Variants in NOVA1 observed in about 807,000 individuals in gnomAD.
NOVA1 encodes NOVA alternative splicing regulator 1, also known as RNA-binding protein Nova-1.
In NOVA1, 7 loss-of-function variants were observed where a neutral mutation model predicts 38.0. That is an observed-to-expected ratio of 0.18 (90% confidence interval 0.10 to 0.35). NOVA1 has a LOEUF of 0.35. Ranked by LOEUF, NOVA1 falls within the 10% of genes least tolerant of loss-of-function variation. The pLI is 1.00. For missense variants in NOVA1, 460 were observed against 616.0 expected (o/e 0.75, Z 2.68); for synonymous variants, 270 against 232.5 (o/e 1.16, Z -1.47).
At chr14:26,522,932 ACTCAT>A (rs1205316892) in intron 2 of NOVA1, among the ~76,000 whole-genome samples, 2 of 152,132 alleles carry the variant, frequency 1.3e-5, no homozygotes, top group African/African-American at 4.8e-5. Context: ...ATTAGCTTCA[ACTCAT>A]CTCATTAGAT....
At chr14:26,486,289 T>A (rs1018256685) in intron 2 of NOVA1, among the ~76,000 whole-genome samples, 10 of 152,174 alleles carry the variant, frequency 6.6e-5, no homozygotes, top group Non-Finnish European at 5.9e-5. Flanking sequence ...TTTTGCCACT[T>A]ATTTTTGCTG....
intron 2 of NOVA1, among the ~76,000 whole-genome samples, chr14:26,481,101 C>G (rs2138300127): frequency 6.6e-6 from 1 of 152,094 alleles, no homozygotes; most frequent in South Asian, 2.1e-4. Context: ...TTGTAGAAGC[C>G]TGGTATTCCA....
intron 2 of NOVA1, among the ~76,000 whole-genome samples, chr14:26,574,460 T>C (rs1892706411): frequency 6.6e-6 from 1 of 152,144 alleles, no homozygotes; most frequent in Non-Finnish European, 1.5e-5. Context: ...TCATTCATAC[T>C]TAATTTAAAA....
chr14:26,491,313 GT>G, intron 2 of NOVA1, among the ~76,000 whole-genome samples: 1 of 152,190 alleles, frequency 6.6e-6, no homozygotes, highest in East Asian at 1.9e-4. Context: ...TATTCGTTGA[GT>G]TTTAGGAGTT....
intron 2 of NOVA1, among the ~76,000 whole-genome samples, chr14:26,538,944 C>T (rs761591869): frequency 1.3e-4 from 20 of 152,132 alleles, no homozygotes; most frequent in Non-Finnish European, 2.4e-4. Flanking sequence ...GATCCAAGGA[C>T]GTTTTTCTTT....
chr14:26,520,379 C>A (rs1486248786), intron 2 of NOVA1, among the ~76,000 whole-genome samples: 1 of 152,144 alleles, frequency 6.6e-6, no homozygotes, highest in Non-Finnish European at 1.5e-5. Flanking sequence ...TGAAACCAAT[C>A]CCTGATGTAT....
intron 4 of NOVA1, among the ~76,000 whole-genome samples, chr14:26,459,409 G>C (rs952169906): frequency 2.0e-5 from 3 of 152,054 alleles, no homozygotes; most frequent in African/African-American, 7.2e-5. Flanking sequence ...GCCTAGGTGT[G>C]TATTAGGCTA....
intron 4 of NOVA1, among the ~76,000 whole-genome samples, chr14:26,466,092 A>C (rs896658715): frequency 5.3e-5 from 8 of 152,144 alleles, no homozygotes; most frequent in African/African-American, 1.9e-4. Context: ...GCAGATCTCT[A>C]TGGTAAGAGA....
intron 2 of NOVA1, among the ~76,000 whole-genome samples, chr14:26,571,213 A>C (rs1018474149): frequency 6.6e-6 from 1 of 151,978 alleles, no homozygotes; most frequent in Non-Finnish European, 1.5e-5. Flanking sequence ...TAGGACCCAG[A>C]AAAGAGAAAA....
At chr14:26,545,989 T>TTCAA (rs1355236285) in intron 2 of NOVA1, among the ~76,000 whole-genome samples, 14 of 152,174 alleles carry the variant, frequency 9.2e-5, no homozygotes, top group Non-Finnish European at 1.9e-4. Flanking sequence ...TTTCAATGAA[T>TTCAA]TCAATTTATA....
chr14:26,451,011 A>G (rs141956219), intron 4 of NOVA1, among the ~76,000 whole-genome samples: 23 of 152,300 alleles, frequency 1.5e-4, no homozygotes, highest in African/African-American at 4.3e-4. Context: ...ATTTTAAATT[A>G]TAAGTAATCA....
intron 2 of NOVA1, among the ~76,000 whole-genome samples, chr14:26,508,983 G>A (rs1887853981): frequency 6.6e-6 from 1 of 151,970 alleles, no homozygotes; most frequent in African/African-American, 2.4e-5. Flanking sequence ...AAAAAGCAAA[G>A]AGAGTTAAAA....
intron 2 of NOVA1, among the ~76,000 whole-genome samples, chr14:26,581,637 T>C (rs1893230481): frequency 6.6e-6 from 1 of 151,992 alleles, no homozygotes; most frequent in Non-Finnish European, 1.5e-5. Context: ...CTATTTTCCT[T>C]TCAATGGCAA....
At chr14:26,555,218 G>A (rs1182293705) in intron 2 of NOVA1, among the ~76,000 whole-genome samples, 1 of 152,028 alleles carries the variant, frequency 6.6e-6, no homozygotes, top group Non-Finnish European at 1.5e-5. Context: ...CCCCTAAATG[G>A]AATCATGCTC....
intron 4 of NOVA1, among the ~76,000 whole-genome samples, chr14:26,452,000 T>C (rs1752471889): frequency 2.0e-5 from 3 of 152,168 alleles, no homozygotes; most frequent in South Asian, 2.1e-4. Flanking sequence ...TTATAATATA[T>C]AGCATTTTCT....
intron 2 of NOVA1, among the ~76,000 whole-genome samples, chr14:26,517,690 T>C (rs901650372): frequency 6.6e-6 from 1 of 152,162 alleles, no homozygotes; most frequent in Non-Finnish European, 1.5e-5. Context: ...CATTTGCCAC[T>C]TTCCAGATAA....
At chr14:26,498,101 C>G (rs1886952364) in intron 2 of NOVA1, among the ~76,000 whole-genome samples, 1 of 151,976 alleles carries the variant, frequency 6.6e-6, no homozygotes, top group Non-Finnish European at 1.5e-5. Flanking sequence ...GCTCTGTCAC[C>G]CAGGCTGGAG....
intron 2 of NOVA1, among the ~76,000 whole-genome samples, chr14:26,589,444 A>C (rs1391817213): frequency 2.6e-4 from 39 of 151,756 alleles, no homozygotes; most frequent in Non-Finnish European, 1.5e-5. Context: ...TAAATGTGGG[A>C]AACATTTCAG....
At chr14:26,596,657 C>T in intron 1 of NOVA1, 2 of 1,289,128 alleles carry the variant, frequency 1.6e-6, no homozygotes, top group Non-Finnish European at 2.0e-6. Context: ...AACTCATCTT[C>T]CAAGGAAGCG....
Sources: gnomAD v4.1 joint callset for allele counts (sites outside exome capture counted in the v4.1 genomes callset) on GRCh38, gnomAD v4.1.1 for gene constraint, MANE v1.5 for transcripts, NCBI Gene and HGNC (gene_info 2026-07-23, HGNC 2026-07-21) for gene names.